IFT25: variants seen among roughly 807,000 people sequenced by gnomAD.
IFT25 encodes intraflagellar transport protein 25 homolog.
At chr1:53,930,121 G>T in the IFT25 span, 1 of 1,564,536 alleles carries the variant, frequency 6.4e-7, no homozygotes, top group East Asian at 2.3e-5. Context: ...ACATTCCTGT[G>T]GTGGTCCAAA....
the IFT25 span, chr1:53,939,925 C>A: frequency 1.1e-6 from 1 of 939,308 alleles, no homozygotes; most frequent in South Asian, 1.3e-5. Flanking sequence ...AAACACAGTC[C>A]AAGTACTCAA....
At chr1:53,936,364 C>T in the IFT25 span, among the ~76,000 whole-genome samples, 3 of 152,016 alleles carry the variant, frequency 2.0e-5, no homozygotes, top group Non-Finnish European at 4.4e-5. Flanking sequence ...GCAGGAGAAT[C>T]GCTTGAACCC....
At chr1:53,928,460 A>C in the IFT25 span, 5 of 1,562,636 alleles carry the variant, frequency 3.2e-6, no homozygotes, top group African/African-American at 5.4e-5. Flanking sequence ...TAAACAAAGT[A>C]AGTAAAGTGT....
chr1:53,928,011 C>T, the IFT25 span, among the ~76,000 whole-genome samples: 1 of 152,114 alleles, frequency 6.6e-6, no homozygotes, highest in African/African-American at 2.4e-5. Context: ...ATCAATTCTG[C>T]TGGTGATATT....
chr1:53,915,025 G>A, the IFT25 span, among the ~76,000 whole-genome samples: 3 of 152,310 alleles, frequency 2.0e-5, no homozygotes, highest in Non-Finnish European at 4.4e-5. Context: ...CGCTGTGATA[G>A]GCATTGGTCC....
the IFT25 span, chr1:53,929,032 C>T: frequency 6.5e-6 from 1 of 153,108 alleles, no homozygotes; most frequent in Non-Finnish European, 1.5e-5. Context: ...CCAGTCTCTA[C>T]CACTCCAGAT....
At chr1:53,928,288 A>G in the IFT25 span, 4 of 1,102,858 alleles carry the variant, frequency 3.6e-6, no homozygotes, top group South Asian at 2.7e-5. Context: ...TTTTTTCACC[A>G]AAGTGCAGCT....
chr1:53,941,574 C>T, the IFT25 span, among the ~76,000 whole-genome samples: 10 of 152,046 alleles, frequency 6.6e-5, no homozygotes, highest in Non-Finnish European at 1.2e-4. Flanking sequence ...CCACAGTTTT[C>T]GACACTATTG....
At chr1:53,928,567 A>G in the IFT25 span, 1 of 630,784 alleles carries the variant, frequency 1.6e-6, no homozygotes, top group Non-Finnish European at 2.8e-6. Flanking sequence ...GATCAGAAAC[A>G]ACATGGAAGT....
the IFT25 span, among the ~76,000 whole-genome samples, chr1:53,931,531 C>T: frequency 6.6e-6 from 1 of 152,044 alleles, no homozygotes; most frequent in Non-Finnish European, 1.5e-5. Context: ...AATATTTGAC[C>T]GAATTTAATT....
At chr1:53,932,644 A>C in the IFT25 span, among the ~76,000 whole-genome samples, 1 of 152,236 alleles carries the variant, frequency 6.6e-6, no homozygotes, top group Non-Finnish European at 1.5e-5. Context: ...GGCTCACTGC[A>C]GCATTGACGT....
chr1:53,945,312 G>C, the IFT25 span, among the ~76,000 whole-genome samples: 1 of 152,222 alleles, frequency 6.6e-6, no homozygotes, highest in Non-Finnish European at 1.5e-5. Context: ...CTTTTGGGGG[G>C]TCAAGACGCT....
the IFT25 span, among the ~76,000 whole-genome samples, chr1:53,925,028 C>T: frequency 2.6e-5 from 4 of 152,166 alleles, no homozygotes; most frequent in Non-Finnish European, 5.9e-5. Context: ...AGTCCTGCTT[C>T]CTAGAAGTAA....
At chr1:53,932,407 C>T in the IFT25 span, among the ~76,000 whole-genome samples, 833 of 151,406 alleles carry the variant, frequency 5.5e-3, 2 homozygotes, top group Middle Eastern at 0.014. Flanking sequence ...TTTAGAAGTG[C>T]AGTGTTTAAT....
chr1:53,933,853 A>T, the IFT25 span, among the ~76,000 whole-genome samples: 2 of 147,558 alleles, frequency 1.4e-5, no homozygotes, highest in African/African-American at 2.6e-5. Context: ...TAATTCCTCT[A>T]TTTTTTTTTA....
At chr1:53,913,575 C>T in the IFT25 span, among the ~76,000 whole-genome samples, 1 of 152,156 alleles carries the variant, frequency 6.6e-6, no homozygotes, top group Non-Finnish European at 1.5e-5. Flanking sequence ...TAAATTCCTT[C>T]CTTTGAGATG....
the IFT25 span, among the ~76,000 whole-genome samples, chr1:53,920,365 T>TA: frequency 6.6e-6 from 1 of 152,008 alleles, no homozygotes; most frequent in African/African-American, 2.4e-5. Flanking sequence ...TAGTCAACTG[T>TA]AAAATTTTTT....
the IFT25 span, chr1:53,921,430 T>C: frequency 2.2e-6 from 1 of 454,894 alleles, no homozygotes; most frequent in South Asian, 3.1e-5. Context: ...TGCAGTCACT[T>C]CCTTGATTAA....
the IFT25 span, among the ~76,000 whole-genome samples, chr1:53,923,144 G>A: frequency 2.6e-5 from 4 of 152,142 alleles, no homozygotes; most frequent in Non-Finnish European, 5.9e-5. Flanking sequence ...GGGAGAGAAA[G>A]GAACTAATGG....
Sources: allele counts gnomAD v4.1 joint callset (sites outside exome capture counted in the v4.1 genomes callset), GRCh38; gene constraint gnomAD v4.1.1; transcripts MANE v1.5; gene names NCBI Gene and HGNC (gene_info 2026-07-23, HGNC 2026-07-21).